Variants in EPB41L2 observed in about 807,000 individuals in gnomAD.
EPB41L2 encodes band 4.1-like protein 2.
EPB41L2 carries 43 observed loss-of-function variants against 113.0 expected under a neutral mutation model. The ratio of observed to expected loss-of-function variants is 0.38; its 90% CI spans 0.30 to 0.49. The LOEUF is 0.49. Ranked by LOEUF, EPB41L2 falls within the 20% of genes least tolerant of loss-of-function variation. The probability of loss-of-function intolerance (pLI) is 0.95; values close to 1 mark genes in which losing one functional copy is unlikely to be tolerated. For synonymous variants in EPB41L2, 442 were observed against 436.7 expected (o/e 1.01, Z -0.15); for missense variants, 1,147 against 1,223.4 (o/e 0.94, Z 0.93).
chr6:131,006,848 C>T (rs924113722), intron 1 of EPB41L2, among the ~76,000 whole-genome samples: 2 of 151,882 alleles, frequency 1.3e-5, no homozygotes, highest in African/African-American at 2.4e-5. Flanking sequence ...CAGCTCAATC[C>T]CTCTTCTCCA....
At chr6:131,048,129 ACT>A (rs1795818095) in intron 1 of EPB41L2, among the ~76,000 whole-genome samples, 1 of 121,142 alleles carries the variant, frequency 8.3e-6, no homozygotes, top group Non-Finnish European at 1.6e-5. Flanking sequence ...ACAGAGCAAG[ACT>A]CTGTCTCAAA....
intron 19 of EPB41L2, among the ~76,000 whole-genome samples, chr6:130,846,161 C>T (rs1393853554): frequency 6.6e-6 from 1 of 152,182 alleles, no homozygotes; most frequent in Non-Finnish European, 1.5e-5. Context: ...GATATTAAGA[C>T]TCTTGAGGAG....
intron 1 of EPB41L2, among the ~76,000 whole-genome samples, chr6:131,044,506 T>C (rs186928054): frequency 5.7e-4 from 87 of 152,348 alleles, no homozygotes; most frequent in African/African-American, 1.9e-3. Flanking sequence ...AGAATCTTTT[T>C]CATCTTCAAA....
rs1775003981 is a variant in EPB41L2 at position 130,839,943 on chromosome 6, T to A, written c.*661A>T. On this transcript the variant is annotated 3_prime_UTR_variant, in exon 20 of 20. Transcript: ENST00000337057. Reference sequence around the variant, plus strand: ...TCTTCATTATTCTCCAGTCCAGAGATTCTGACTCTCTACTAAAAGTAGAAA... The same window carrying A: ...TCTTCATTATTCTCCAGTCCAGAGAATCTGACTCTCTACTAAAAGTAGAAA... The A allele has an allele frequency of 6.6e-6, 1 of 152,200 alleles. No homozygotes were observed. The highest frequency in any genetic ancestry group is 1.5e-5 in the Non-Finnish European group (1 of 68,038). The allele number at this position is 152,200 out of a possible 1,614,324, so 9.4% of individuals were successfully genotyped here. A position where few individuals can be genotyped will look rare whatever the true frequency, so the allele number is the denominator to read the frequency against.
At chr6:131,006,782 A>G (rs1311638419) in intron 1 of EPB41L2, among the ~76,000 whole-genome samples, 1 of 151,968 alleles carries the variant, frequency 6.6e-6, no homozygotes, top group South Asian at 2.1e-4. Context: ...CCCTAGACCT[A>G]TTACTCTACA....
chr6:130,866,979 T>C (rs1272071941), intron 16 of EPB41L2, among the ~76,000 whole-genome samples: 1 of 151,962 alleles, frequency 6.6e-6, no homozygotes, highest in African/African-American at 2.4e-5. Flanking sequence ...TGTGTTTGTG[T>C]GTGTGTGTGT....
At chr6:130,985,457 C>T (rs549532851) in intron 1 of EPB41L2, among the ~76,000 whole-genome samples, 11 of 152,224 alleles carry the variant, frequency 7.2e-5, no homozygotes, top group South Asian at 2.1e-4. Context: ...GGAACCAGTG[C>T]GTGGGACAAG....
intron 1 of EPB41L2, among the ~76,000 whole-genome samples, chr6:131,041,046 T>C (rs1794364247): frequency 6.6e-6 from 1 of 152,126 alleles, no homozygotes; most frequent in Non-Finnish European, 1.5e-5. Context: ...GACATAACCA[T>C]AATTAAATGC....
At chr6:130,890,547 T>A in intron 10 of EPB41L2, 81 bp from the exon 11 acceptor site, 1 of 1,448,128 alleles carries the variant, frequency 6.9e-7, no homozygotes, top group Non-Finnish European at 9.2e-7. Flanking sequence ...AAAAAAACTT[T>A]AAAGCTATGT....
At chr6:130,845,538 C>T (rs2128399245) in intron 19 of EPB41L2, among the ~76,000 whole-genome samples, 1 of 152,212 alleles carries the variant, frequency 6.6e-6, no homozygotes, top group South Asian at 2.1e-4. Flanking sequence ...CCATCACACC[C>T]AGCTAATTTT....
chr6:130,988,151 T>A (rs1344061061), intron 1 of EPB41L2, among the ~76,000 whole-genome samples: 3 of 152,058 alleles, frequency 2.0e-5, no homozygotes, highest in African/African-American at 7.2e-5. Flanking sequence ...CAGGTGGAAG[T>A]ACCAGTCAAA....
intron 19 of EPB41L2, among the ~76,000 whole-genome samples, chr6:130,852,015 C>T (rs1244162167): frequency 6.6e-6 from 1 of 152,228 alleles, no homozygotes; most frequent in Non-Finnish European, 1.5e-5. Flanking sequence ...AGCTCTTGTG[C>T]TCCCAAATGT....
Position 130,869,770 on chromosome 6 carries a change from G to C in EPB41L2, c.2400C>G (p.Val800=). The C allele has an allele frequency of 6.2e-7, 1 of 1,614,090 alleles. No individual in the cohort carries two copies. Among genetic ancestry groups the C allele is most frequent in the Middle Eastern group, 1.6e-4 (1 of 6,062 alleles). ...REEAVPEASP[V]TQAGASVITV... ...TGATTACACTGGCACCTGCTTGTGT[G>C]ACTGGGCTGGCTTCGGGCACTGCTT... Residue 800 remains valine, a synonymous_variant, in exon 15 of 20, where the codon GTC becomes GTG. Coordinates refer to ENST00000337057, the MANE Select transcript of EPB41L2 (RefSeq NM_001431.4).
chr6:131,034,077 A>C (rs1297533079), intron 1 of EPB41L2, among the ~76,000 whole-genome samples: 2 of 152,348 alleles, frequency 1.3e-5, no homozygotes, highest in African/African-American at 4.8e-5. Context: ...TGACTGTTAA[A>C]ACATCTAATG....
intron 19 of EPB41L2, among the ~76,000 whole-genome samples, chr6:130,846,300 CT>C (rs1777028231): frequency 6.6e-6 from 1 of 152,262 alleles, no homozygotes; most frequent in African/African-American, 2.4e-5. Flanking sequence ...TGATTTTTAA[CT>C]TAATAAATAT....
At chr6:130,936,356 T>C (rs1808784875) in intron 3 of EPB41L2, among the ~76,000 whole-genome samples, 1 of 152,344 alleles carries the variant, frequency 6.6e-6, no homozygotes, top group Non-Finnish European at 1.5e-5. Flanking sequence ...TTATAGCCAA[T>C]GTCTCTCTTC....
intron 19 of EPB41L2, among the ~76,000 whole-genome samples, chr6:130,857,779 C>A (rs1780750953): frequency 6.6e-6 from 1 of 151,932 alleles, no homozygotes; most frequent in South Asian, 2.1e-4. Context: ...CTTATCTCTC[C>A]TACAATAAAA....
intron 17 of EPB41L2, among the ~76,000 whole-genome samples, chr6:130,865,260 T>C (rs1783361019): frequency 6.6e-6 from 1 of 152,264 alleles, no homozygotes; most frequent in African/African-American, 2.4e-5. Flanking sequence ...TTATAAATTA[T>C]AAATTTTATT....
chr6:130,928,408 C>G (rs917714079), intron 3 of EPB41L2, among the ~76,000 whole-genome samples: 2 of 152,132 alleles, frequency 1.3e-5, no homozygotes, highest in Admixed American at 1.3e-4. Context: ...ATAGCAGATA[C>G]CACAGGAGGT....
Sources: gnomAD v4.1 joint callset for allele counts (sites outside exome capture counted in the v4.1 genomes callset) on GRCh38, gnomAD v4.1.1 for gene constraint, MANE v1.5 for transcripts, NCBI Gene and HGNC (gene_info 2026-07-23, HGNC 2026-07-21) for gene names.